Variants in DYNC1I1 observed in about 807,000 individuals in gnomAD.
The protein encoded by DYNC1I1 is cytoplasmic dynein 1 intermediate chain 1.
A neutral mutation model predicts 86.6 loss-of-function variants in DYNC1I1; 43 were observed. That is an observed-to-expected ratio of 0.50 (90% CI 0.39 to 0.64). The LOEUF is 0.64. Ranked by LOEUF, DYNC1I1 falls within the 30% of genes least tolerant of loss-of-function variation. The probability of loss-of-function intolerance (pLI) is 0.00; values close to 1 mark genes in which losing one functional copy is unlikely to be tolerated. For synonymous variants in DYNC1I1, 262 were observed against 283.7 expected (o/e 0.92, Z 0.77); for missense variants, 604 against 788.8 (o/e 0.77, Z 2.81).
intron 1 of DYNC1I1, among the ~76,000 whole-genome samples, chr7:95,798,119 C>G (rs1354779780): frequency 2.6e-5 from 4 of 151,954 alleles, no homozygotes; most frequent in Admixed American, 2.6e-4. Context: ...CTTTGAAGTC[C>G]TTGATAATTT....
At chr7:95,884,218 A>C (rs1053030156) in intron 6 of DYNC1I1, among the ~76,000 whole-genome samples, 3 of 152,192 alleles carry the variant, frequency 2.0e-5, no homozygotes, top group African/African-American at 7.2e-5. Flanking sequence ...CCAGCGGGAC[A>C]TGGTTAGAGA....
intron 4 of DYNC1I1, 75 bp from the exon 5 acceptor site, chr7:95,827,982 A>G (rs1424183820): frequency 1.2e-5 from 18 of 1,485,178 alleles, no homozygotes; most frequent in Non-Finnish European, 1.7e-5. Context: ...GATGAATGAC[A>G]TAGTTTGGTT....
intron 14 of DYNC1I1, among the ~76,000 whole-genome samples, chr7:96,049,574 G>A (rs371039893): frequency 1.1e-3 from 166 of 152,190 alleles, no homozygotes; most frequent in African/African-American, 3.8e-3. Context: ...TTATAATAGA[G>A]TCTTAATAGG....
rs1013206922 is a variant in DYNC1I1 at position 95,876,694 on chromosome 7, A to G, written c.490+6696A>G. Among the ~76,000 whole-genome samples the G allele has an allele frequency of 9.2e-5, 14 of 152,200 alleles. 1 individual carries two copies. The highest frequency in any genetic ancestry group is 7.9e-4 in the Admixed American group (12 of 15,284). On this transcript the variant is annotated intron_variant, in intron 6 of 16. Transcript: ENST00000447467. Reference sequence around the variant, plus strand: ...AATGACACAGTCAAGAAATAGCAGAACTAAATAATATTACAAGGCATAGCA... The same window carrying G: ...AATGACACAGTCAAGAAATAGCAGAGCTAAATAATATTACAAGGCATAGCA...
intron 1 of DYNC1I1, among the ~76,000 whole-genome samples, chr7:95,792,391 T>C (rs1794327884): frequency 6.6e-6 from 1 of 152,152 alleles, no homozygotes; most frequent in South Asian, 2.1e-4. Context: ...TCCCCTCCCC[T>C]TCTCTGAAGC....
intron 2 of DYNC1I1, among the ~76,000 whole-genome samples, chr7:95,809,444 G>C (rs1219167445): frequency 2.6e-5 from 4 of 152,144 alleles, no homozygotes; most frequent in Non-Finnish European, 4.4e-5. Flanking sequence ...CCTCACTTCT[G>C]TAAGCTTACA....
intron 5 of DYNC1I1, among the ~76,000 whole-genome samples, chr7:95,851,288 T>C (rs1789571288): frequency 6.6e-6 from 1 of 152,122 alleles, no homozygotes; most frequent in African/African-American, 2.4e-5. Context: ...GACTCATTTG[T>C]GGGTAGCATA....
intron 6 of DYNC1I1, among the ~76,000 whole-genome samples, chr7:95,880,770 C>T (rs1204423121): frequency 2.6e-5 from 4 of 151,248 alleles, no homozygotes; most frequent in African/African-American, 9.7e-5. Context: ...CTCAGCCTCC[C>T]GAGTAGCTGG....
At chr7:96,060,531 C>G (rs1276262391) in intron 14 of DYNC1I1, among the ~76,000 whole-genome samples, 2 of 152,166 alleles carry the variant, frequency 1.3e-5, no homozygotes, top group African/African-American at 4.8e-5. Flanking sequence ...TGAAAGTATT[C>G]TGTATGATGC....
chr7:96,087,723 A>C, intron 16 of DYNC1I1, among the ~76,000 whole-genome samples: 1 of 152,338 alleles, frequency 6.6e-6, no homozygotes, highest in East Asian at 1.9e-4. Context: ...ATAAGAACAA[A>C]GCATCAAGCT....
chr7:96,039,959 A>C (rs1320256598), intron 14 of DYNC1I1, among the ~76,000 whole-genome samples: 3 of 151,916 alleles, frequency 2.0e-5, no homozygotes, highest in Non-Finnish European at 4.4e-5. Flanking sequence ...TCTGGCTGGG[A>C]GCTGTGGCTC....
intron 5 of DYNC1I1, among the ~76,000 whole-genome samples, chr7:95,847,298 G>T (rs1039583246): frequency 2.0e-5 from 3 of 152,004 alleles, no homozygotes; most frequent in African/African-American, 7.2e-5. Context: ...TCCACACTTC[G>T]TTAGACCATC....
chr7:95,773,880 C>T (rs549864806), intron 1 of DYNC1I1, among the ~76,000 whole-genome samples: 14 of 152,208 alleles, frequency 9.2e-5, no homozygotes, highest in African/African-American at 2.9e-4. Flanking sequence ...TAGAGATATA[C>T]GTTGATCAGT....
chr7:95,870,004 C>T lies in DYNC1I1; in HGVS notation c.490+6C>T, dbSNP rs777283494. On this transcript the variant is annotated splice_donor_region_variant and intron_variant, in intron 6 of 16. Coordinates refer to ENST00000447467, the MANE Select transcript of DYNC1I1 (RefSeq NM_001135556.2). ...TGCCACGCATCAGTCTGAAGGTAAACTATGTCTTTGGCTTACTTTCCATAT... is the reference window on the plus strand; with the variant it reads ...TGCCACGCATCAGTCTGAAGGTAAATTATGTCTTTGGCTTACTTTCCATAT... 1 of 1,606,800 alleles carries T rather than the reference C, an allele frequency of 6.2e-7. No homozygotes were observed. The highest frequency in any genetic ancestry group is 1.7e-5 in the Admixed American group (1 of 58,576).
intron 1 of DYNC1I1, among the ~76,000 whole-genome samples, chr7:95,776,814 C>T (rs764743427): frequency 6.6e-6 from 1 of 152,182 alleles, no homozygotes; most frequent in Non-Finnish European, 1.5e-5. Context: ...GCTTGTCATT[C>T]ATTGAGAATC....
intron 5 of DYNC1I1, among the ~76,000 whole-genome samples, chr7:95,866,566 A>C (rs1790023108): frequency 6.6e-6 from 1 of 152,204 alleles, no homozygotes; most frequent in South Asian, 2.1e-4. Context: ...TTGGAATATG[A>C]GATAAAATTT....
At chr7:95,891,237 C>G (rs1790728723) in intron 6 of DYNC1I1, among the ~76,000 whole-genome samples, 1 of 152,196 alleles carries the variant, frequency 6.6e-6, no homozygotes, top group Admixed American at 6.5e-5. Context: ...AGCCCCAAGA[C>G]TACGAAGAAA....
intron 10 of DYNC1I1, among the ~76,000 whole-genome samples, chr7:96,025,484 G>A (rs1794655668): frequency 6.6e-6 from 1 of 151,976 alleles, no homozygotes; most frequent in Non-Finnish European, 1.5e-5. Context: ...AAATAGGTTT[G>A]CAGCAAAACA....
intron 3 of DYNC1I1, among the ~76,000 whole-genome samples, chr7:95,810,908 A>C (rs1794816913): frequency 6.6e-6 from 1 of 152,150 alleles, no homozygotes; most frequent in Non-Finnish European, 1.5e-5. Context: ...TGGGTTATGA[A>C]TTTCATAACT....
Sources: allele counts gnomAD v4.1 joint callset (sites outside exome capture counted in the v4.1 genomes callset), GRCh38; gene constraint gnomAD v4.1.1; transcripts MANE v1.5; gene names NCBI Gene and HGNC (gene_info 2026-07-23, HGNC 2026-07-21).